FARSB: variants seen among roughly 807,000 people sequenced by gnomAD.
The protein encoded by FARSB is phenylalanyl-tRNA synthetase subunit beta.
In FARSB, 40 loss-of-function variants were observed where a neutral mutation model predicts 69.6. That is an observed-to-expected ratio of 0.57 (90% confidence interval 0.45 to 0.75). The LOEUF is 0.75. Ranked by LOEUF, FARSB falls within the 30% of genes least tolerant of loss-of-function variation. The pLI is 0.00. For missense variants in FARSB, 632 were observed against 722.9 expected (o/e 0.87, Z 1.44); for synonymous variants, 235 against 247.2 (o/e 0.95, Z 0.46).
Position 222,632,843 on chromosome 2 carries a change from A to C in FARSB, c.715+356T>G, listed in dbSNP as rs139022670. On this transcript the variant is annotated intron_variant, in intron 7 of 16. Coordinates refer to ENST00000281828, the MANE Select transcript of FARSB (RefSeq NM_005687.5). The stretch of plus-strand genomic sequence containing the variant: ...ACAAAACAAAAAACAACAACAACAA[A>C]AAAAAAAAACAAAAGAAAAAAAACT... 9.6e-3 allele frequency among the ~76,000 whole-genome samples: 1,446 copies of C among 150,126 alleles called. 10 individuals are homozygous for C. The highest frequency in any genetic ancestry group is 0.023 in the African/African-American group (901 of 40,026).
intron 16 of FARSB, among the ~76,000 whole-genome samples, chr2:222,574,677 C>G (rs1236020612): frequency 6.6e-6 from 1 of 152,204 alleles, no homozygotes. Flanking sequence ...TGTATAAACT[C>G]GACTTTGCTG....
rs1689732359 is a variant in FARSB at position 222,572,098 on chromosome 2, C to G, written c.1619-76G>C. 2.4e-6 allele frequency: 3 copies of G among 1,228,580 alleles called. No individual in the cohort carries two copies. In the African/African-American group the frequency reaches 4.6e-5, roughly 19 times the overall value. The allele number at this position is 1,228,580 out of a possible 1,614,324, so 76.1% of individuals were successfully genotyped here. On this transcript the variant is annotated intron_variant, in intron 16 of 16. Coordinates refer to ENST00000281828, the MANE Select transcript of FARSB (RefSeq NM_005687.5). ...CAATAGACATTTAACACTAAAAGCCCACTAGTCTACTTTAAAAATAACTAT... is the reference window on the plus strand; with the variant it reads ...CAATAGACATTTAACACTAAAAGCCGACTAGTCTACTTTAAAAATAACTAT...
chr2:222,601,431 TAATAAA>T (rs1398551841), intron 15 of FARSB, among the ~76,000 whole-genome samples: 1 of 151,170 alleles, frequency 6.6e-6, no homozygotes, highest in African/African-American at 2.4e-5. Context: ...ATAATAATAA[TAATAAA>T]AAGATGAAAA....
At chr2:222,608,296 G>A (rs1351558996) in intron 15 of FARSB, among the ~76,000 whole-genome samples, 4 of 152,074 alleles carry the variant, frequency 2.6e-5, no homozygotes, top group African/African-American at 9.7e-5. Flanking sequence ...CATTATTTGA[G>A]GGCTCCAGAA....
chr2:222,628,260 C>T (rs60046797), intron 10 of FARSB, among the ~76,000 whole-genome samples: 8,441 of 152,066 alleles, frequency 0.056, 487 homozygotes, highest in African/African-American at 0.15. Context: ...AAATAATTAA[C>T]GACAATTTAT....
chr2:222,619,274 C>T (rs1691079099), intron 14 of FARSB, among the ~76,000 whole-genome samples: 1 of 150,448 alleles, frequency 6.6e-6, no homozygotes, highest in East Asian at 2.0e-4. Flanking sequence ...CCACTGCACT[C>T]CAGCCTGAGC....
intron 16 of FARSB, among the ~76,000 whole-genome samples, chr2:222,583,737 G>A (rs1277420758): frequency 6.6e-6 from 1 of 152,124 alleles, no homozygotes. Context: ...GGGTCTGGGT[G>A]GGAGGTAATT....
intron 13 of FARSB, among the ~76,000 whole-genome samples, chr2:222,623,006 T>C (rs1691178637): frequency 6.6e-6 from 1 of 152,174 alleles, no homozygotes; most frequent in Admixed American, 6.5e-5. Context: ...GAAGCTTCCT[T>C]TCCCCTCATA....
rs180775426 is a variant in FARSB at position 222,641,615 on chromosome 2, A to T, written c.270-684T>A. ...GCTGCTGGTCCATGGACTCACTTTAAGTAGAAAACATTTTAAGTTGCTTTC... is the reference window on the plus strand; with the variant it reads ...GCTGCTGGTCCATGGACTCACTTTATGTAGAAAACATTTTAAGTTGCTTTC... On this transcript the variant is annotated intron_variant, in intron 3 of 16. Coordinates refer to ENST00000281828, the MANE Select transcript of FARSB (RefSeq NM_005687.5). Among the ~76,000 whole-genome samples the T allele has an allele frequency of 2.0e-5, 3 of 152,330 alleles. No homozygotes were observed. In the East Asian group the frequency reaches 5.8e-4, roughly 29 times the overall value.
intron 16 of FARSB, among the ~76,000 whole-genome samples, chr2:222,592,052 G>C (rs1319643676): frequency 6.6e-6 from 1 of 152,132 alleles, no homozygotes; most frequent in African/African-American, 2.4e-5. Context: ...ACTGCCAAGG[G>C]GTTCCGGCAA....
At chr2:222,598,805 G>A (rs1250470607) in intron 16 of FARSB, among the ~76,000 whole-genome samples, 1 of 151,984 alleles carries the variant, frequency 6.6e-6, no homozygotes. Context: ...ATAAAACCGG[G>A]CTCGTGGGCT....
chr2:222,608,783 T>C (rs1303201291), intron 15 of FARSB, among the ~76,000 whole-genome samples: 4 of 152,186 alleles, frequency 2.6e-5, no homozygotes, highest in Non-Finnish European at 4.4e-5. Flanking sequence ...TAGAGAAAGT[T>C]AATAATGCTC....
chr2:222,584,895 G>A (rs962148590), intron 16 of FARSB, among the ~76,000 whole-genome samples: 2 of 152,242 alleles, frequency 1.3e-5, no homozygotes, highest in African/African-American at 4.8e-5. Context: ...GCCTGCCTCT[G>A]TAGACTCCAC....
chr2:222,591,936 T>C (rs952140580), intron 16 of FARSB, among the ~76,000 whole-genome samples: 10 of 152,192 alleles, frequency 6.6e-5, no homozygotes, highest in African/African-American at 2.4e-4. Context: ...AGGGTTATAG[T>C]GGGGACAGGC....
chr2:222,605,046 T>A (rs1158400642), intron 15 of FARSB, among the ~76,000 whole-genome samples: 1 of 152,118 alleles, frequency 6.6e-6, no homozygotes, highest in East Asian at 1.9e-4. Context: ...TAAAGAAATT[T>A]GGTATCTAAA....
At chr2:222,578,599 G>A (rs1163491146) in intron 16 of FARSB, among the ~76,000 whole-genome samples, 1 of 152,174 alleles carries the variant, frequency 6.6e-6, no homozygotes, top group East Asian at 1.9e-4. Flanking sequence ...CAGCACTTTG[G>A]GGGCCAACGC....
At chr2:222,631,813 C>T (rs771490403) in intron 7 of FARSB, 139 bp from the exon 8 acceptor site, 11 of 622,848 alleles carry the variant, frequency 1.8e-5, no homozygotes, top group Admixed American at 3.0e-5. Context: ...GATGGTGGCT[C>T]ACACCCACCA....
intron 15 of FARSB, among the ~76,000 whole-genome samples, chr2:222,603,061 G>C (rs957869671): frequency 6.6e-6 from 1 of 151,900 alleles, no homozygotes; most frequent in Non-Finnish European, 1.5e-5. Context: ...TAAGTATAGA[G>C]AGGAAGACTG....
At chr2:222,655,462 G>C (rs1288717743) in intron 1 of FARSB, among the ~76,000 whole-genome samples, 1 of 151,998 alleles carries the variant, frequency 6.6e-6, no homozygotes, top group Non-Finnish European at 1.5e-5. Flanking sequence ...TTTTATTAAC[G>C]TGCTGGTTAA....
Sources: allele counts gnomAD v4.1 joint callset (sites outside exome capture counted in the v4.1 genomes callset), GRCh38; gene constraint gnomAD v4.1.1; transcripts MANE v1.5; gene names NCBI Gene and HGNC (gene_info 2026-07-23, HGNC 2026-07-21).